C2CD3: variants seen among roughly 807,000 people sequenced by gnomAD.
The protein encoded by C2CD3 is C2 domain containing 3 centriole elongation regulator.
In C2CD3, 148 loss-of-function variants were observed where a neutral mutation model predicts 234.0. The ratio of observed to expected loss-of-function variants is 0.63; its 90% CI spans 0.55 to 0.72. C2CD3 has a LOEUF of 0.72. Ranked by LOEUF, C2CD3 falls within the 30% of genes least tolerant of loss-of-function variation. The pLI is 0.00. For missense variants in C2CD3, 2,577 were observed against 2,811.5 expected, an observed-to-expected ratio of 0.92 and a Z score of 1.89; for synonymous variants, 1,000 against 1,035.4, an observed-to-expected ratio of 0.97 and a Z score of 0.66.
In C2CD3 at chr11:74,170,661, G is replaced by A. The variant is rs565683662; in HGVS notation, c.55+77C>T. ...GTCCCTTTTCTTGTTTATCCAGCGGGGGTGCGGGTCTCCCTAAAATTCCTT... is the reference window on the plus strand; with the variant it reads ...GTCCCTTTTCTTGTTTATCCAGCGGAGGTGCGGGTCTCCCTAAAATTCCTT... On this transcript the variant is annotated intron_variant, in intron 1 of 32. Transcript: ENST00000334126. 1.9e-4 allele frequency: 279 copies of A among 1,506,686 alleles called. 4 individuals carry two copies. In the South Asian group the frequency reaches 2.9e-3, roughly 16 times the overall value. The allele number at this position is 1,506,686 out of a possible 1,614,324, so 93.3% of individuals were successfully genotyped here.
rs6144393 is a variant in C2CD3 at position 74,122,912 on chromosome 11, C to CTGTCTGGCAAGTGA, written c.1365+75_1365+76insTCACTTGCCAGACA. ...AAGGTAAGTTATGTAAAATGCATAG[C>CTGTCTGGCAAGTGA]TGTCATGCCTGCAGCTACTAATATT... On this transcript the variant is annotated intron_variant, in intron 8 of 32. Transcript: ENST00000334126. 510,751 of 1,041,212 alleles carry CTGTCTGGCAAGTGA rather than the reference C, an allele frequency of 0.49. 133,349 individuals are homozygous for CTGTCTGGCAAGTGA. Among genetic ancestry groups the CTGTCTGGCAAGTGA allele is most frequent in the African/African-American group, 0.87 (54,105 of 61,976 alleles). The allele number at this position is 1,041,212 out of a possible 1,614,324, so 64.5% of individuals were successfully genotyped here.
At chr11:74,149,949 T>C (rs905048808) in intron 3 of C2CD3, among the ~76,000 whole-genome samples, 1 of 152,162 alleles carries the variant, frequency 6.6e-6, no homozygotes, top group African/African-American at 2.4e-5. Context: ...GGAGGCATTA[T>C]TGAATTGTCT....
intron 26 of C2CD3, among the ~76,000 whole-genome samples, chr11:74,050,134 T>G (rs1953606895): frequency 6.6e-6 from 1 of 152,216 alleles, no homozygotes; most frequent in South Asian, 2.1e-4. Context: ...AACTTATTTT[T>G]CCTAGGCTAT....
chr11:74,128,326 C>T (rs1413323593), intron 7 of C2CD3, among the ~76,000 whole-genome samples: 1 of 151,918 alleles, frequency 6.6e-6, no homozygotes, highest in Non-Finnish European at 1.5e-5. Flanking sequence ...TATTTTTTCC[C>T]TTTCTGTGGT....
At chr11:74,072,332 G>A (rs535436607) in intron 24 of C2CD3, among the ~76,000 whole-genome samples, 15 of 152,320 alleles carry the variant, frequency 9.8e-5, no homozygotes, top group African/African-American at 3.4e-4. Context: ...GTATAAACGG[G>A]GAGGAGTAGG....
At chr11:74,109,884 A>G (rs1956678349) in intron 11 of C2CD3, among the ~76,000 whole-genome samples, 2 of 151,960 alleles carry the variant, frequency 1.3e-5, no homozygotes, top group Admixed American at 1.3e-4. Context: ...CATCCTGGCT[A>G]ACATGGTGAA....
At chr11:74,043,714 T>A (rs527255469) in intron 28 of C2CD3, among the ~76,000 whole-genome samples, 1 of 152,320 alleles carries the variant, frequency 6.6e-6, no homozygotes, top group East Asian at 1.9e-4. Context: ...TTGATTTGCA[T>A]CTTTTACTGT....
rs1956392261 is a variant in C2CD3, at chr11:74,103,411, T to C, written c.2300A>G (p.Asn767Ser). ...AKKAQNLVLP[N>S]RKSPSPVAPH... ...TGCTACAGGGCTTGGTGACTTTCGG[T>C]TGGGGAGCACCAAGTTCTGTGCTTT... The change falls in exon 14 of 33, where the codon AAC becomes AGC. Residue 767 changes from asparagine to serine, a missense_variant. Transcript: ENST00000334126. The C allele has an allele frequency of 1.2e-6, 2 of 1,614,054 alleles. No individual in the cohort carries two copies. The highest frequency in any genetic ancestry group is 8.5e-7 in the Non-Finnish European group (1 of 1,180,044).
Position 74,043,083 on chromosome 11 carries a change from T to C in C2CD3, c.5496-865A>G, listed in dbSNP as rs1953153532. Among the ~76,000 whole-genome samples, 7 of 152,186 alleles carry C rather than the reference T, an allele frequency of 4.6e-5. No individual in the cohort carries two copies. In the South Asian group the frequency reaches 1.4e-3, roughly 32 times the overall value. ...TTTAGTATATGCAGTTACGTAACTG[T>C]TACCACAATCAGTTTTAGAACATTT... On this transcript the variant is annotated intron_variant, in intron 28 of 32. Transcript: ENST00000334126.
chr11:74,033,344 A>C lies in C2CD3; in HGVS notation c.6809+7T>G. 6.5e-7 allele frequency: 1 copy of C among 1,533,732 alleles called. No individual in the cohort carries two copies. Among genetic ancestry groups the C allele is most frequent in the Non-Finnish European group, 8.7e-7 (1 of 1,145,370 alleles). Reference sequence around the variant, plus strand: ...CCAAACCACTTGTGGGAAATGCCAAAGGATACAGCAGGAGGCTCTGCTTTG... The same window carrying C: ...CCAAACCACTTGTGGGAAATGCCAACGGATACAGCAGGAGGCTCTGCTTTG... On this transcript the variant is annotated splice_region_variant and intron_variant, in intron 31 of 32. Coordinates refer to ENST00000334126, the MANE Select transcript of C2CD3 (RefSeq NM_001286577.2).
intron 7 of C2CD3, chr11:74,128,521 G>C (rs1011508012): frequency 1.3e-5 from 2 of 152,064 alleles, no homozygotes; most frequent in Non-Finnish European, 2.9e-5. Flanking sequence ...CTTCCATTTA[G>C]CTGTTTGATA....
At chr11:74,071,623 G>A (rs1954795830) in intron 24 of C2CD3, among the ~76,000 whole-genome samples, 1 of 152,222 alleles carries the variant, frequency 6.6e-6, no homozygotes, top group Non-Finnish European at 1.5e-5. Context: ...GATTAAAGGG[G>A]ATACAGGGAA....
At chr11:74,090,281 C>A (rs1279567387) in intron 20 of C2CD3, among the ~76,000 whole-genome samples, 1 of 152,166 alleles carries the variant, frequency 6.6e-6, no homozygotes. Context: ...GTAATCCCAG[C>A]ACTTTGGGAG....
chr11:74,028,299 G>A lies in C2CD3; in HGVS notation c.6909C>T (p.Ala2303=). The A allele has an allele frequency of 1.3e-6, 2 of 1,535,600 alleles. No homozygotes were observed. The highest frequency in any genetic ancestry group is 1.7e-6 in the Non-Finnish European group (2 of 1,146,398). Residue 2303 remains alanine (A), a synonymous_variant, in exon 32 of 33, where the codon GCC becomes GCT. Transcript: ENST00000334126. ...LSLSATLPPA[A]TTDQDKSEAT... The stretch of plus-strand genomic sequence containing the variant: ...GCCATTCTCTTACCTGATCTGTTGT[G>A]GCTGCTGGTGGCAAAGTTGCTGAGA...
At chr11:74,028,547 T>G (rs778248222) in intron 31 of C2CD3, 149 bp from the exon 32 acceptor site, 2 of 619,508 alleles carry the variant, frequency 3.2e-6, no homozygotes, top group Non-Finnish European at 5.6e-6. Flanking sequence ...GCTGGCTCCC[T>G]CTGACTGGAA....
At chr11:74,021,998 C>T (rs59682875) in intron 32 of C2CD3, among the ~76,000 whole-genome samples, 78 of 152,192 alleles carry the variant, frequency 5.1e-4, no homozygotes, top group African/African-American at 1.8e-3. Context: ...TGATGGCACG[C>T]GCCTATAATC....
intron 24 of C2CD3, among the ~76,000 whole-genome samples, chr11:74,061,040 A>G (rs1954212796): frequency 6.6e-6 from 1 of 152,214 alleles, no homozygotes; most frequent in Non-Finnish European, 1.5e-5. Context: ...TTGAAGATCA[A>G]ATGAATGAAA....
At chr11:74,159,287 T>C (rs1387262227) in intron 3 of C2CD3, among the ~76,000 whole-genome samples, 1 of 152,252 alleles carries the variant, frequency 6.6e-6, no homozygotes, top group African/African-American at 2.4e-5. Flanking sequence ...CTTTTTCTTT[T>C]TGTTTTAGAG....
At chr11:74,136,799 G>A (rs886544240) in intron 5 of C2CD3, among the ~76,000 whole-genome samples, 9 of 151,930 alleles carry the variant, frequency 5.9e-5, no homozygotes, top group Non-Finnish European at 7.4e-5. Context: ...GGGACCTGTC[G>A]GGGGTAGGGG....
Sources: allele counts gnomAD v4.1 joint callset (sites outside exome capture counted in the v4.1 genomes callset), GRCh38; gene constraint gnomAD v4.1.1; transcripts MANE v1.5; gene names NCBI Gene and HGNC (gene_info 2026-07-23, HGNC 2026-07-21).